Variants in TBC1D1 observed in about 807,000 individuals in gnomAD.
TBC1D1 encodes TBC1 domain family member 1, also known as TBC1 (tre-2/USP6, BUB2, cdc16) domain family, member 1.
In TBC1D1, 89 loss-of-function variants were observed where a neutral mutation model predicts 125.6. The ratio of observed to expected loss-of-function variants is 0.71; its 90% CI spans 0.60 to 0.85. The LOEUF is 0.85. Among genes scored for constraint, TBC1D1 ranks in the 40% least tolerant of loss-of-function variants. The pLI, the probability that TBC1D1 is intolerant of heterozygous loss-of-function variation, is 0.00. For synonymous variants in TBC1D1, 565 were observed against 564.1 expected, an observed-to-expected ratio of 1.00 and a Z score of -0.02; for missense variants, 1,377 against 1,469.2, an observed-to-expected ratio of 0.94 and a Z score of 1.03.
chr4:38,033,473 A>C (rs1447531854), intron 7 of TBC1D1, among the ~76,000 whole-genome samples: 1 of 151,882 alleles, frequency 6.6e-6, no homozygotes, highest in African/African-American at 2.4e-5. Flanking sequence ...ACTGTCCCCC[A>C]CCCCACAGTT....
intron 15 of TBC1D1, among the ~76,000 whole-genome samples, chr4:38,108,023 C>CTTG (rs1761623263): frequency 6.6e-6 from 1 of 152,202 alleles, no homozygotes; most frequent in African/African-American, 2.4e-5. Context: ...TCACATTATT[C>CTTG]TTGAAGCCTT....
chr4:37,925,568 T>C (rs531352487), intron 2 of TBC1D1, among the ~76,000 whole-genome samples: 21 of 151,058 alleles, frequency 1.4e-4, no homozygotes, highest in Non-Finnish European at 2.5e-4. Context: ...ATACAAAAAT[T>C]AGCTGGGCAT....
intron 12 of TBC1D1, among the ~76,000 whole-genome samples, chr4:38,085,967 G>A (rs1334678515): frequency 2.0e-5 from 3 of 152,206 alleles, no homozygotes; most frequent in Admixed American, 1.3e-4. Context: ...ACAAACCAAA[G>A]CCTTGTGCCC....
intron 12 of TBC1D1, among the ~76,000 whole-genome samples, chr4:38,088,795 T>C (rs1757963099): frequency 6.6e-6 from 1 of 152,204 alleles, no homozygotes; most frequent in South Asian, 2.1e-4. Flanking sequence ...GTTAAGCAAC[T>C]TGTTAAAGAT....
chr4:38,093,415 T>C (rs1758759018), intron 13 of TBC1D1, among the ~76,000 whole-genome samples: 1 of 152,164 alleles, frequency 6.6e-6, no homozygotes. Context: ...GAAGTTGTGA[T>C]TTCTCCAAAA....
At chr4:37,917,431 C>T (rs1481025303) in intron 2 of TBC1D1, among the ~76,000 whole-genome samples, 4 of 152,160 alleles carry the variant, frequency 2.6e-5, no homozygotes, top group African/African-American at 7.2e-5. Context: ...GCCGAGACTG[C>T]GTCATTGCAC....
intron 12 of TBC1D1, among the ~76,000 whole-genome samples, chr4:38,080,647 T>C (rs907407829): frequency 1.4e-4 from 21 of 152,124 alleles, no homozygotes; most frequent in African/African-American, 5.1e-4. Context: ...ACTGGACCTT[T>C]CCCCTTTCCC....
intron 2 of TBC1D1, among the ~76,000 whole-genome samples, chr4:37,937,755 G>C (rs1203223429): frequency 1.3e-5 from 2 of 152,160 alleles, no homozygotes; most frequent in Non-Finnish European, 2.9e-5. Flanking sequence ...TTTTGCCTGG[G>C]AATAAAGTGG....
chr4:37,955,935 G>C (rs1728845260), intron 2 of TBC1D1, among the ~76,000 whole-genome samples: 1 of 151,720 alleles, frequency 6.6e-6, no homozygotes, highest in African/African-American at 2.4e-5. Context: ...CTAGGAGTTT[G>C]AGACCAGCCT....
At chr4:38,069,860 TTTTTG>T (rs72452741) in intron 12 of TBC1D1, among the ~76,000 whole-genome samples, 9 of 151,606 alleles carry the variant, frequency 5.9e-5, no homozygotes, top group Non-Finnish European at 1.2e-4. Context: ...TTTTTTCTGT[TTTTTG>T]TTTTGTTTTG....
chr4:37,906,160 C>A (rs936784102), intron 2 of TBC1D1, among the ~76,000 whole-genome samples: 4 of 152,074 alleles, frequency 2.6e-5, no homozygotes, highest in African/African-American at 9.7e-5. Flanking sequence ...CTTTTCCCCC[C>A]CGCTTGAGAC....
At chr4:38,054,736 AC>A (rs996861239) in intron 12 of TBC1D1, among the ~76,000 whole-genome samples, 2 of 152,210 alleles carry the variant, frequency 1.3e-5, no homozygotes, top group African/African-American at 4.8e-5. Context: ...GACGTCAAGT[AC>A]ACTTTGAAGG....
intron 14 of TBC1D1, among the ~76,000 whole-genome samples, chr4:38,096,941 C>T (rs1759454080): frequency 6.6e-6 from 1 of 152,008 alleles, no homozygotes; most frequent in Non-Finnish European, 1.5e-5. Context: ...TTGAAGCTTA[C>T]CTTCAGTCAT....
chr4:38,103,836 T>C (rs1276983677), intron 15 of TBC1D1, among the ~76,000 whole-genome samples: 5 of 152,128 alleles, frequency 3.3e-5, no homozygotes, highest in Admixed American at 6.6e-5. Flanking sequence ...TATTAGGTGT[T>C]ATAGGTAATC....
At position 38,103,014 on chromosome 4, in the gene TBC1D1, A is replaced by AC. The variant is rs779041047; in HGVS notation, c.2416dup (p.Arg806ProfsTer3). On this transcript the variant is annotated frameshift_variant, in exon 15 of 20. Transcript: ENST00000261439. LOFTEE classifies it high-confidence loss of function. ...CCTTTTAAAGGTGTGCCACGTCATCACCGAGGTGAAATCTGGAAATTTCTA... is the reference window on the plus strand; with the variant it reads ...CCTTTTAAAGGTGTGCCACGTCATCACCCGAGGTGAAATCTGGAAATTTCTA... 4.3e-6 allele frequency: 7 copies of AC among 1,613,946 alleles called. No homozygotes were observed. The highest frequency in any genetic ancestry group is 5.9e-6 in the Non-Finnish European group (7 of 1,180,014).
intron 2 of TBC1D1, among the ~76,000 whole-genome samples, chr4:37,998,043 C>T (rs557820428): frequency 2.0e-5 from 3 of 152,294 alleles, no homozygotes; most frequent in South Asian, 2.1e-4. Context: ...AACCTTTCCC[C>T]GTCCTCAGCC....
At chr4:38,008,844 T>C (rs1178751241) in intron 2 of TBC1D1, among the ~76,000 whole-genome samples, 1 of 152,212 alleles carries the variant, frequency 6.6e-6, no homozygotes, top group African/African-American at 2.4e-5. Context: ...ACCTGTCACC[T>C]TATATTGGAA....
intron 2 of TBC1D1, among the ~76,000 whole-genome samples, chr4:37,986,996 C>T (rs1012485448): frequency 6.6e-6 from 1 of 152,152 alleles, no homozygotes; most frequent in Non-Finnish European, 1.5e-5. Context: ...CACTGGGCTG[C>T]AGTGACCCAC....
At chr4:37,923,678 AT>A (rs35795968) in intron 2 of TBC1D1, among the ~76,000 whole-genome samples, 44,493 of 115,904 alleles carry the variant, frequency 0.38, 5,996 homozygotes, top group East Asian at 0.64. Flanking sequence ...CCCCCACCCC[AT>A]TTTTTTTTTT....
Sources: gnomAD v4.1 joint callset for allele counts (sites outside exome capture counted in the v4.1 genomes callset) on GRCh38, gnomAD v4.1.1 for gene constraint, MANE v1.5 for transcripts, NCBI Gene and HGNC (gene_info 2026-07-23, HGNC 2026-07-21) for gene names.